The following ADRA1B variants were observed in gnomAD, a reference collection of about 807,000 sequenced individuals.
ADRA1B encodes adrenoceptor alpha 1B.
In ADRA1B, 17 loss-of-function variants were observed where a neutral mutation model predicts 17.9. The ratio of observed to expected loss-of-function variants is 0.95; its 90% CI spans 0.65 to 1.42. The LOEUF (loss-of-function observed/expected upper bound fraction) is 1.42, where lower values mean the gene tolerates loss of function less well. ADRA1B is among the 40% of genes most tolerant of loss of function. ADRA1B has a pLI of 0.00. For synonymous variants in ADRA1B, 366 were observed against 327.6 expected, an observed-to-expected ratio of 1.12 and a Z score of -1.27; for missense variants, 681 against 722.1, an observed-to-expected ratio of 0.94 and a Z score of 0.65.
At chr5:159,895,618 A>T (rs1275489249) in intron 1 of ADRA1B, among the ~76,000 whole-genome samples, 1 of 152,168 alleles carries the variant, frequency 6.6e-6, no homozygotes, top group African/African-American at 2.4e-5. Flanking sequence ...ACGTTTACCT[A>T]TGTAACAAAC....
rs111501378 is a variant in ADRA1B, at chr5:159,924,191, T to C, written c.949+6337T>C. The stretch of plus-strand genomic sequence containing the variant: ...ATGTATTTCATGTAAATGATTCTTT[T>C]TCTTCTAAAGACTGTCTTTTCTATT... On this transcript the variant is annotated intron_variant, in intron 1 of 1. Transcript: ENST00000306675. Among the ~76,000 whole-genome samples the C allele has an allele frequency of 4.3e-3, 659 of 152,368 alleles. 7 individuals carry two copies. The highest frequency in any genetic ancestry group is 0.015 in the African/African-American group (617 of 41,568).
chr5:159,973,949 C>G (rs913073324), downstream of ADRA1B, among the ~76,000 whole-genome samples: 14 of 152,204 alleles, frequency 9.2e-5, no homozygotes, highest in African/African-American at 2.7e-4. Flanking sequence ...CTTCCCCCAT[C>G]CCATCCCTTT....
At chr5:159,977,669 G>T (rs547245658), downstream of ADRA1B, among the ~76,000 whole-genome samples, 27 of 152,306 alleles carry the variant, frequency 1.8e-4, no homozygotes, top group Non-Finnish European at 3.5e-4. Flanking sequence ...GCAATGAGTG[G>T]CTGACTTCCA....
intron 1 of ADRA1B, among the ~76,000 whole-genome samples, chr5:159,889,180 G>A (rs1164941450): frequency 6.6e-6 from 1 of 152,074 alleles, no homozygotes; most frequent in Non-Finnish European, 1.5e-5. Flanking sequence ...GGTTTGCAGT[G>A]GTCCAGGACC....
At chr5:159,942,750 CTATGAG>C (rs978564304) in intron 1 of ADRA1B, among the ~76,000 whole-genome samples, 3 of 152,042 alleles carry the variant, frequency 2.0e-5, no homozygotes, top group Admixed American at 2.0e-4. Flanking sequence ...ATTCTATTTT[CTATGAG>C]TATGTGTATG....
chr5:159,899,120 C>T (rs1353503141), intron 1 of ADRA1B, among the ~76,000 whole-genome samples: 4 of 150,848 alleles, frequency 2.7e-5, no homozygotes, highest in Non-Finnish European at 1.5e-5. Flanking sequence ...GCACTCCAGC[C>T]TGGGTGACAA....
At chr5:159,885,757 G>A (rs1753917051) in intron 1 of ADRA1B, among the ~76,000 whole-genome samples, 1 of 152,122 alleles carries the variant, frequency 6.6e-6, no homozygotes, top group South Asian at 2.1e-4. Flanking sequence ...ATGCCACTTT[G>A]AGCTGGAGGT....
In ADRA1B at chr5:159,899,271, G is replaced by GAAGA. The variant is rs1554088328; in HGVS notation, c.-255-16845_-255-16844insAAAG. ...GGAAGGAAGGAAGGAAGAAAGGAAGGAAGGAAGGAAGGAAGGAAGGAAGGA... is the reference window on the plus strand; with the variant it reads ...GGAAGGAAGGAAGGAAGAAAGGAAGGAAGAAAGGAAGGAAGGAAGGAAGGAAGGA... On this transcript the variant is annotated intron_variant, in intron 1 of 2. Coordinates refer to the ADRA1B transcript ENST00000641205. 8.0e-3 allele frequency among the ~76,000 whole-genome samples: 928 copies of GAAGA among 116,078 alleles called. 8 individuals are homozygous for GAAGA. The highest frequency in any genetic ancestry group is 0.023 in the East Asian group (96 of 4,178). The allele number at this position is 116,078 out of a possible 152,430, so 76.2% of individuals were successfully genotyped here.
intron 1 of ADRA1B, among the ~76,000 whole-genome samples, chr5:159,954,673 T>C (rs1300931780): frequency 6.6e-6 from 1 of 152,060 alleles, no homozygotes; most frequent in Non-Finnish European, 1.5e-5. Flanking sequence ...ATCGGGGGAC[T>C]CCAAGGGAGG....
chr5:159,908,591 CAG>C (rs1321017853), intron 1 of ADRA1B, among the ~76,000 whole-genome samples: 1 of 152,170 alleles, frequency 6.6e-6, no homozygotes, highest in Non-Finnish European at 1.5e-5. Flanking sequence ...TCACCAGAAG[CAG>C]ATGCCTGTAC....
intron 1 of ADRA1B, among the ~76,000 whole-genome samples, chr5:159,931,703 G>C (rs534868300): frequency 6.6e-6 from 1 of 152,216 alleles, no homozygotes; most frequent in South Asian, 2.1e-4. Context: ...CTGGAGGCTC[G>C]GAAGTCCAAG....
At chr5:159,896,579 G>T (rs999775974) in intron 1 of ADRA1B, among the ~76,000 whole-genome samples, 4 of 152,198 alleles carry the variant, frequency 2.6e-5, no homozygotes, top group Admixed American at 2.0e-4. Context: ...GTGGGCACAG[G>T]TATCCCGTAT....
At chr5:159,962,669 C>A (rs1225950424) in intron 1 of ADRA1B, among the ~76,000 whole-genome samples, 2 of 124,880 alleles carry the variant, frequency 1.6e-5, no homozygotes, top group Admixed American at 8.2e-5. Context: ...TGTTTTTCAG[C>A]TTTTTTTTTT....
At chr5:159,907,595 C>T (rs1306582285) in intron 1 of ADRA1B, among the ~76,000 whole-genome samples, 1 of 152,062 alleles carries the variant, frequency 6.6e-6, no homozygotes, top group Non-Finnish European at 1.5e-5. Context: ...TACCTAAATA[C>T]TCCAGATACT....
intron 1 of ADRA1B, among the ~76,000 whole-genome samples, chr5:159,920,238 G>A (rs1474566112): frequency 6.6e-6 from 1 of 152,132 alleles, no homozygotes; most frequent in Non-Finnish European, 1.5e-5. Context: ...CCAGCACCCT[G>A]GAAGCCAGGG....
At chr5:159,899,860 C>T (rs542908619) in intron 1 of ADRA1B, among the ~76,000 whole-genome samples, 5 of 152,282 alleles carry the variant, frequency 3.3e-5, no homozygotes, top group African/African-American at 1.2e-4. Context: ...GTTTTATAGC[C>T]TGTGAAATGA....
Position 159,945,994 on chromosome 5 carries a change from A to G in ADRA1B, c.950-25885A>G, listed in dbSNP as rs571001618. Among the ~76,000 whole-genome samples the G allele has an allele frequency of 1.7e-4, 26 of 152,106 alleles. No individual in the cohort carries two copies. The East Asian group carries it at 1.9e-3, about 11-fold the overall frequency. On this transcript the variant is annotated intron_variant, in intron 1 of 1. Coordinates refer to ENST00000306675, the MANE Select transcript of ADRA1B (RefSeq NM_000679.4). ...GATCTTCTGACCTCCTGATCCGCCC[A>G]CCTCGGCCTCCCAAAGTGCTGGGAT...
chr5:159,890,168 C>A (rs1460371115), intron 1 of ADRA1B, among the ~76,000 whole-genome samples: 1 of 152,168 alleles, frequency 6.6e-6, no homozygotes. Context: ...CAAGGATTCA[C>A]CCTGTCCAGG....
At position 159,916,794 on chromosome 5, in the gene ADRA1B, G is replaced by T; in HGVS notation, c.-112G>T. 1 of 1,059,184 alleles carries T rather than the reference G, an allele frequency of 9.4e-7. No individual in the cohort carries two copies. The highest frequency in any genetic ancestry group is 2.6e-5 in the East Asian group (1 of 38,566). The allele number at this position is 1,059,184 out of a possible 1,614,324, so 65.6% of individuals were successfully genotyped here. ...GGAGATGACTCCTCGCCAGGAGGGC[G>T]CCTCTGGGAAGAAGACCACGGGGGA... On this transcript the variant is annotated 5_prime_UTR_variant, in exon 1 of 2. Transcript: ENST00000306675.
Sources: allele counts gnomAD v4.1 joint callset (sites outside exome capture counted in the v4.1 genomes callset), GRCh38; gene constraint gnomAD v4.1.1; transcripts MANE v1.5; gene names NCBI Gene and HGNC (gene_info 2026-07-23, HGNC 2026-07-21).